The following PTGES3L variants were observed in gnomAD, a reference collection of about 807,000 sequenced individuals.
The protein encoded by PTGES3L is prostaglandin E synthase 3 like.
In PTGES3L, 17 loss-of-function variants were observed where a neutral mutation model predicts 25.0. The ratio of observed to expected loss-of-function variants is 0.68; its 90% CI spans 0.47 to 1.02. The LOEUF (loss-of-function observed/expected upper bound fraction) is 1.02, where lower values mean the gene tolerates loss of function less well. PTGES3L is among the 50% of genes least tolerant of loss of function. The probability of loss-of-function intolerance (pLI) is 0.00; values close to 1 mark genes in which losing one functional copy is unlikely to be tolerated. For synonymous variants in PTGES3L, 59 were observed against 65.7 expected (o/e 0.90, Z 0.50); for missense variants, 202 against 197.5 (o/e 1.02, Z -0.14).
At chr17:42,971,546 G>A (rs2049836654) in intron 5 of PTGES3L, 61 bp downstream of exon 5, 1 of 1,583,842 alleles carries the variant, frequency 6.3e-7, no homozygotes, top group Non-Finnish European at 8.7e-7. Context: ...CCAGAGACAT[G>A]TGTGCAGAGA....
At chr17:42,971,883 G>GA in intron 4 of PTGES3L, 187 bp from the exon 5 acceptor site, 1 of 574,636 alleles carries the variant, frequency 1.7e-6, no homozygotes, top group South Asian at 2.0e-5. Context: ...GATAGAGTCT[G>GA]AAAATCTCAG....
chr17:42,977,778 G>C (rs922727281), intron 4 of PTGES3L, among the ~76,000 whole-genome samples: 1 of 151,984 alleles, frequency 6.6e-6, no homozygotes, highest in African/African-American at 2.4e-5. Flanking sequence ...CTGGAATATA[G>C]AAAACAAGAA....
At chr17:42,972,555 C>G (rs943214875) in intron 4 of PTGES3L, among the ~76,000 whole-genome samples, 3 of 152,264 alleles carry the variant, frequency 2.0e-5, no homozygotes, top group Non-Finnish European at 2.9e-5. Flanking sequence ...AGCCCCTAAC[C>G]GCGAGTGATC....
chr17:42,971,559 C>T (rs1435154099), intron 5 of PTGES3L, 48 bp downstream of exon 5: 1 of 1,606,830 alleles, frequency 6.2e-7, no homozygotes, highest in Admixed American at 1.7e-5. Context: ...TGCAGAGAAA[C>T]ACAAAGAATG....
rs369546714 is a variant in PTGES3L, at chr17:42,970,253, A to T, written c.432+36T>A. The T allele has an allele frequency of 1.5e-5, 24 of 1,613,360 alleles. 1 individual carries two copies. In the South Asian group the frequency reaches 2.5e-4, roughly 17 times the overall value. ...TAGTGGGTTGTTTTTAAGGGCTACA[A>T]AGAAACTGAAGGGTTGAGGGGAAGG... On this transcript the variant is annotated intron_variant, in intron 6 of 6. Coordinates refer to ENST00000591916, the MANE Select transcript of PTGES3L (RefSeq NM_001261430.2).
At chr17:42,978,931 C>T (rs1476290328) in intron 4 of PTGES3L, among the ~76,000 whole-genome samples, 3 of 151,944 alleles carry the variant, frequency 2.0e-5, no homozygotes, top group Non-Finnish European at 2.9e-5. Flanking sequence ...ACCCGGGAGG[C>T]GGAGGCCATG....
intron 4 of PTGES3L, among the ~76,000 whole-genome samples, chr17:42,978,266 G>T (rs1381365914): frequency 2.0e-5 from 3 of 151,926 alleles, no homozygotes; most frequent in African/African-American, 4.8e-5. Context: ...AATTAGCCAG[G>T]CGTGGGGGCA....
At chr17:42,973,460 CCT>C (rs1567723592) in intron 4 of PTGES3L, among the ~76,000 whole-genome samples, 1 of 151,504 alleles carries the variant, frequency 6.6e-6, no homozygotes, top group African/African-American at 2.4e-5. Flanking sequence ...GTGAGGAGCC[CCT>C]CTGCCTGGCC....
intron 2 of PTGES3L, 39 bp from the exon 3 acceptor site, chr17:42,979,483 C>T (rs1420783882): frequency 6.2e-7 from 1 of 1,614,144 alleles, no homozygotes; most frequent in African/African-American, 1.3e-5. Context: ...CGGAATACTC[C>T]GTGTGGGGAC....
In PTGES3L at chr17:42,970,674, G is replaced by GCACACACACACACACACACACACACA. The variant is rs1482998381; in HGVS notation, c.379-333_379-332insTGTGTGTGTGTGTGTGTGTGTGTGTG. 1.6e-3 allele frequency among the ~76,000 whole-genome samples: 174 copies of GCACACACACACACACACACACACACA among 105,688 alleles called. 5 individuals carry two copies. The highest frequency in any genetic ancestry group is 5.4e-3 in the African/African-American group (165 of 30,630). 69.3% of individuals were successfully genotyped at this position (105,688 alleles called of 152,430 possible). On this transcript the variant is annotated intron_variant, in intron 5 of 6. Coordinates refer to ENST00000591916, the MANE Select transcript of PTGES3L (RefSeq NM_001261430.2). ...CCCATGAAGTTGTCTGGCTTAACAC[G>GCACACACACACACACACACACACACA]CGCACACACACACACACACACACAC... is the stretch of plus-strand genomic sequence containing the variant.
intron 4 of PTGES3L, among the ~76,000 whole-genome samples, chr17:42,977,733 T>A (rs988986655): frequency 1.3e-5 from 2 of 151,606 alleles, no homozygotes; most frequent in Non-Finnish European, 2.9e-5. Context: ...ATAAGACTCA[T>A]CAATTAATTT....
At chr17:42,972,489 C>T (rs1391019655) in intron 4 of PTGES3L, among the ~76,000 whole-genome samples, 9 of 152,124 alleles carry the variant, frequency 5.9e-5, no homozygotes. Flanking sequence ...CGCACCGCCA[C>T]GCCTGACTGG....
At position 42,968,249 on chromosome 17, in the gene PTGES3L, GGC is replaced by G. The variant is rs1488589985; in HGVS notation, c.*897_*898del. 1 of 152,028 alleles carries G rather than the reference GGC, an allele frequency of 6.6e-6. No homozygotes were observed. Among genetic ancestry groups the G allele is most frequent in the Non-Finnish European group, 1.5e-5 (1 of 68,024 alleles). The allele number at this position is 152,028 out of a possible 1,614,324, so 9.4% of individuals were successfully genotyped here. On this transcript the variant is annotated 3_prime_UTR_variant, in exon 7 of 7. Coordinates refer to ENST00000591916, the MANE Select transcript of PTGES3L (RefSeq NM_001261430.2). Reference sequence around the variant, plus strand: ...CAATCAGTTTTAAAAGTATAAAGAGGGCCGGGTGTGGTGGCTCATACATGTAA... The same window carrying G: ...CAATCAGTTTTAAAAGTATAAAGAGGCGGGTGTGGTGGCTCATACATGTAA...
intron 4 of PTGES3L, among the ~76,000 whole-genome samples, chr17:42,972,422 C>A (rs1325799853): frequency 6.6e-6 from 1 of 150,820 alleles, no homozygotes; most frequent in Non-Finnish European, 1.5e-5. Context: ...CGGCTCACTG[C>A]AACCTCCCTG....
rs34866238 is a variant in PTGES3L at position 42,977,425 on chromosome 17, C to CAA, written c.288+1743_288+1744dup. Among the ~76,000 whole-genome samples, 916 of 134,122 alleles carry CAA rather than the reference C, an allele frequency of 6.8e-3. 8 individuals carry two copies. The highest frequency in any genetic ancestry group is 0.016 in the African/African-American group (574 of 35,422). The allele number at this position is 134,122 out of a possible 152,430, so 88.0% of individuals were successfully genotyped here. On this transcript the variant is annotated intron_variant, in intron 4 of 6. Transcript: ENST00000591916. ...TGGGTGACAGAGTGAGACTCTATCT[C>CAA]AAAAAAAAAAAAATACAAAAATACA...
intron 6 of PTGES3L, 85 bp downstream of exon 6, chr17:42,970,204 C>T (rs2049806866): frequency 1.3e-6 from 2 of 1,534,750 alleles, no homozygotes; most frequent in East Asian, 4.5e-5. Context: ...CTACTGTGTG[C>T]TAGGAACTGG....
intron 4 of PTGES3L, among the ~76,000 whole-genome samples, chr17:42,975,484 A>G (rs181777993): frequency 6.0e-4 from 92 of 152,284 alleles, no homozygotes; most frequent in Admixed American, 1.9e-3. Flanking sequence ...CTTGGGGCAG[A>G]GAGTGTGGGA....
chr17:42,972,794 T>C (rs1468233826), intron 4 of PTGES3L, among the ~76,000 whole-genome samples: 1 of 146,748 alleles, frequency 6.8e-6, no homozygotes, highest in African/African-American at 2.5e-5. Context: ...TCGTCTGGGA[T>C]GTGAGGAGCC....
chr17:42,978,274 G>A (rs1157407620), intron 4 of PTGES3L, among the ~76,000 whole-genome samples: 7 of 151,894 alleles, frequency 4.6e-5, no homozygotes, highest in Non-Finnish European at 7.4e-5. Flanking sequence ...AGGCGTGGGG[G>A]CACAAGCCAG....
Sources: allele counts gnomAD v4.1 joint callset (sites outside exome capture counted in the v4.1 genomes callset), GRCh38; gene constraint gnomAD v4.1.1; transcripts MANE v1.5; gene names NCBI Gene and HGNC (gene_info 2026-07-23, HGNC 2026-07-21).